The following SGCZ variants were observed in gnomAD, a reference collection of about 807,000 sequenced individuals.
SGCZ encodes sarcoglycan zeta, also known as zeta-sarcoglycan.
SGCZ carries 40 observed loss-of-function variants against 41.3 expected under a neutral mutation model. That is an observed-to-expected ratio of 0.97 (90% CI 0.75 to 1.26). SGCZ has a LOEUF of 1.26. Ranked by LOEUF, SGCZ falls within the 50% of genes most tolerant of loss-of-function variation. SGCZ has a pLI of 0.00. For missense variants in SGCZ, 552 were observed against 369.8 expected (o/e 1.49, Z -4.04); for synonymous variants, 206 against 137.5 (o/e 1.50, Z -3.49).
At chr8:14,574,095 A>G (rs934375240) in intron 1 of SGCZ, among the ~76,000 whole-genome samples, 2 of 152,166 alleles carry the variant, frequency 1.3e-5, no homozygotes, top group African/African-American at 4.8e-5. Context: ...TAGGAATGTG[A>G]TCAAGGGACT....
At chr8:14,492,397 T>C (rs1451394500) in intron 2 of SGCZ, among the ~76,000 whole-genome samples, 3 of 152,172 alleles carry the variant, frequency 2.0e-5, no homozygotes, top group Non-Finnish European at 4.4e-5. Flanking sequence ...ACAGTGCTTA[T>C]TATAACACTT....
At chr8:14,269,394 A>G (rs1038532658) in intron 3 of SGCZ, among the ~76,000 whole-genome samples, 4 of 85,224 alleles carry the variant, frequency 4.7e-5, no homozygotes, top group Admixed American at 1.2e-4. Flanking sequence ...CTTAGCATAA[A>G]TTTCCAGAGA....
chr8:14,768,722 T>G (rs1368721793), intron 1 of SGCZ, among the ~76,000 whole-genome samples: 1 of 151,938 alleles, frequency 6.6e-6, no homozygotes, highest in Non-Finnish European at 1.5e-5. Context: ...TGTAATATGC[T>G]CTCACAGAAC....
intron 1 of SGCZ, among the ~76,000 whole-genome samples, chr8:14,771,080 T>G (rs2130392713): frequency 6.6e-6 from 1 of 151,844 alleles, no homozygotes. Context: ...AAAGTTAGAG[T>G]TGCTGATCAT....
At chr8:15,118,141 T>C (rs1467748590) in intron 1 of SGCZ, among the ~76,000 whole-genome samples, 2 of 152,204 alleles carry the variant, frequency 1.3e-5, no homozygotes, top group Non-Finnish European at 2.9e-5. Context: ...TGTTAAGTTT[T>C]ATAAATCACA....
intron 1 of SGCZ, among the ~76,000 whole-genome samples, chr8:14,559,850 A>C (rs1804155190): frequency 6.6e-6 from 1 of 152,116 alleles, no homozygotes. Flanking sequence ...ATTATTATTT[A>C]AGTTAACATG....
intron 3 of SGCZ, among the ~76,000 whole-genome samples, chr8:14,298,380 A>G (rs947927946): frequency 2.6e-5 from 4 of 152,030 alleles, no homozygotes; most frequent in Non-Finnish European, 5.9e-5. Flanking sequence ...AATAAAATAC[A>G]TAATACTAAG....
chr8:14,942,205 G>A lies in SGCZ; in HGVS notation c.39+295380C>T, dbSNP rs1800300116. Among the ~76,000 whole-genome samples, 3 of 152,096 alleles carry A rather than the reference G, an allele frequency of 2.0e-5. 1 individual carries two copies. Among genetic ancestry groups the A allele is most frequent in the South Asian group, 4.1e-4 (2 of 4,824 alleles). ...CTAACTCAGTCCCCGTACAGAAAAG[G>A]ACCTACCCTCATGGAAGAGCTCATG... On this transcript the variant is annotated intron_variant, in intron 1 of 7. Coordinates refer to ENST00000382080, the MANE Select transcript of SGCZ (RefSeq NM_139167.4).
intron 5 of SGCZ, among the ~76,000 whole-genome samples, chr8:14,162,820 C>G (rs1197760776): frequency 6.6e-6 from 1 of 152,128 alleles, no homozygotes; most frequent in Non-Finnish European, 1.5e-5. Flanking sequence ...AGTGAGGGTT[C>G]CCATTCAATA....
chr8:14,154,258 T>C (rs1398762503), intron 5 of SGCZ, among the ~76,000 whole-genome samples: 1 of 151,810 alleles, frequency 6.6e-6, no homozygotes, highest in Non-Finnish European at 1.5e-5. Flanking sequence ...TAGTCCCAGC[T>C]AGCAGGAGGC....
At chr8:15,106,415 C>A (rs1316611602) in intron 1 of SGCZ, among the ~76,000 whole-genome samples, 1 of 151,960 alleles carries the variant, frequency 6.6e-6, no homozygotes, top group East Asian at 1.9e-4. Context: ...ATTCAAATCT[C>A]ATTCATATAC....
rs140474193 is a variant in SGCZ, at chr8:15,175,073, C to G, written c.39+62512G>C. Among the ~76,000 whole-genome samples, 281 of 152,132 alleles carry G rather than the reference C, an allele frequency of 1.8e-3. 2 individuals carry two copies. Among genetic ancestry groups the G allele is most frequent in the African/African-American group, 6.5e-3 (269 of 41,488 alleles). ...ACCACATGTATACCAATGTAACAAA[C>G]CTGCACATTCTGCACGTGTATCCCA... On this transcript the variant is annotated intron_variant, in intron 1 of 7. Coordinates refer to ENST00000382080, the MANE Select transcript of SGCZ (RefSeq NM_139167.4).
chr8:14,953,579 A>C (rs999100002), intron 1 of SGCZ, among the ~76,000 whole-genome samples: 1 of 152,170 alleles, frequency 6.6e-6, no homozygotes, highest in Admixed American at 6.5e-5. Context: ...GCAGAAGTGC[A>C]ATAACAGAGG....
intron 3 of SGCZ, among the ~76,000 whole-genome samples, chr8:14,262,392 T>A (rs1329926457): frequency 6.6e-6 from 1 of 152,144 alleles, no homozygotes; most frequent in Non-Finnish European, 1.5e-5. Context: ...TCTAATGCAG[T>A]ATACACTGGC....
At chr8:14,787,037 G>T (rs1800790190) in intron 1 of SGCZ, among the ~76,000 whole-genome samples, 1 of 152,058 alleles carries the variant, frequency 6.6e-6, no homozygotes, top group South Asian at 2.1e-4. Flanking sequence ...ATCAGGAGCA[G>T]TAACATCATA....
chr8:14,955,143 C>T (rs958525866), intron 1 of SGCZ, among the ~76,000 whole-genome samples: 6 of 151,784 alleles, frequency 4.0e-5, no homozygotes, highest in East Asian at 3.9e-4. Flanking sequence ...TTTTATTGGC[C>T]ATGCATCCAT....
chr8:14,752,760 C>G (rs985690377), intron 1 of SGCZ, among the ~76,000 whole-genome samples: 2 of 152,130 alleles, frequency 1.3e-5, no homozygotes, highest in Non-Finnish European at 2.9e-5. Flanking sequence ...ACTATTATCA[C>G]AAACATGATA....
In SGCZ at chr8:14,260,872, T is replaced by C. The variant is rs2117233443; in HGVS notation, c.337-23193A>G. ...ACAAAAAACCAAACACCGCATATTCTCACTCACAGGTGGGAATTGAACAAT... is the reference window on the plus strand; with the variant it reads ...ACAAAAAACCAAACACCGCATATTCCCACTCACAGGTGGGAATTGAACAAT... On this transcript the variant is annotated intron_variant, in intron 3 of 7. Coordinates refer to ENST00000382080, the MANE Select transcript of SGCZ (RefSeq NM_139167.4). Among the ~76,000 whole-genome samples, 3 of 152,144 alleles carry C rather than the reference T, an allele frequency of 2.0e-5. No individual in the cohort carries two copies. The South Asian group carries it at 6.2e-4, about 32-fold the overall frequency.
At chr8:15,020,738 T>G (rs1483235275) in intron 1 of SGCZ, among the ~76,000 whole-genome samples, 1 of 152,214 alleles carries the variant, frequency 6.6e-6, no homozygotes, top group Admixed American at 6.5e-5. Context: ...GTCAAGTTCT[T>G]AGCGAATATG....
Sources: allele counts gnomAD v4.1 joint callset (sites outside exome capture counted in the v4.1 genomes callset), GRCh38; gene constraint gnomAD v4.1.1; transcripts MANE v1.5; gene names NCBI Gene and HGNC (gene_info 2026-07-23, HGNC 2026-07-21).